The following GRIK3 variants were observed in gnomAD, a reference collection of about 807,000 sequenced individuals.
GRIK3 encodes glutamate ionotropic receptor kainate type subunit 3, also known as glutamate receptor ionotropic, kainate 3.
Under a neutral mutation model 102.5 loss-of-function variants are expected in GRIK3, and 29 were observed. The observed-to-expected ratio is 0.28, with a 90% CI of 0.21 to 0.39. The LOEUF (loss-of-function observed/expected upper bound fraction) is 0.39, where lower values mean the gene tolerates loss of function less well. GRIK3 is among the 10% of genes least tolerant of loss of function. GRIK3 has a pLI of 1.00. For missense variants in GRIK3, 908 were observed against 1,252.4 expected, an observed-to-expected ratio of 0.73 and a Z score of 4.15; for synonymous variants, 511 against 504.9, an observed-to-expected ratio of 1.01 and a Z score of -0.16.
At chr1:36,990,246 G>T (rs1039902946) in intron 1 of GRIK3, among the ~76,000 whole-genome samples, 2 of 152,124 alleles carry the variant, frequency 1.3e-5, no homozygotes, top group Admixed American at 6.5e-5. Flanking sequence ...TGACAGTCAC[G>T]ATGCCCCATC....
At chr1:36,899,040 A>G (rs1294829607) in intron 1 of GRIK3, among the ~76,000 whole-genome samples, 1 of 152,210 alleles carries the variant, frequency 6.6e-6, no homozygotes, top group Non-Finnish European at 1.5e-5. Context: ...CTCAAAATGG[A>G]TCAAAGACTT....
chr1:37,000,563 G>A (rs1012237912), intron 1 of GRIK3, among the ~76,000 whole-genome samples: 3 of 152,316 alleles, frequency 2.0e-5, no homozygotes, highest in African/African-American at 7.2e-5. Flanking sequence ...GCACCAGGCT[G>A]AGTACTTTAT....
intron 1 of GRIK3, among the ~76,000 whole-genome samples, chr1:37,018,385 C>G (rs1486222835): frequency 6.6e-6 from 1 of 152,166 alleles, no homozygotes; most frequent in African/African-American, 2.4e-5. Context: ...TCACTGGCCC[C>G]GATTCTACTG....
At chr1:37,033,005 C>T (rs1476048925) in intron 1 of GRIK3, among the ~76,000 whole-genome samples, 1 of 152,172 alleles carries the variant, frequency 6.6e-6, no homozygotes, top group Non-Finnish European at 1.5e-5. Flanking sequence ...GCCGAGTGAA[C>T]CCAGGCGGCC....
At chr1:36,925,171 G>C (rs1641514298) in intron 1 of GRIK3, among the ~76,000 whole-genome samples, 1 of 152,118 alleles carries the variant, frequency 6.6e-6, no homozygotes, top group Non-Finnish European at 1.5e-5. Context: ...AGTACACTTA[G>C]ATACACACTC....
intron 1 of GRIK3, among the ~76,000 whole-genome samples, chr1:36,998,322 C>A (rs1317817510): frequency 1.3e-5 from 2 of 152,198 alleles, no homozygotes; most frequent in East Asian, 1.9e-4. Context: ...CCGTGTCCTA[C>A]TGCTGGACTC....
At chr1:36,805,828 C>T (rs562719053) in intron 14 of GRIK3, among the ~76,000 whole-genome samples, 8 of 147,340 alleles carry the variant, frequency 5.4e-5, no homozygotes, top group East Asian at 2.1e-4. Flanking sequence ...CCCAGCTACT[C>T]GGGAGGCTGA....
intron 9 of GRIK3, among the ~76,000 whole-genome samples, chr1:36,842,595 G>A (rs1179537939): frequency 1.3e-5 from 2 of 152,216 alleles, no homozygotes; most frequent in East Asian, 3.9e-4. Flanking sequence ...TCCCAGGGGA[G>A]TGATTACTGG....
intron 1 of GRIK3, among the ~76,000 whole-genome samples, chr1:36,919,691 A>T (rs1641445300): frequency 6.6e-6 from 1 of 152,208 alleles, no homozygotes; most frequent in Admixed American, 6.5e-5. Flanking sequence ...CATCTCCAGC[A>T]CTGCTGTGCC....
intron 11 of GRIK3, among the ~76,000 whole-genome samples, chr1:36,822,747 G>C (rs1642709683): frequency 6.6e-6 from 1 of 152,144 alleles, no homozygotes; most frequent in African/African-American, 2.4e-5. Context: ...GTGGCCCCCA[G>C]GAAGTAGATG....
In GRIK3 at chr1:36,806,330, G is replaced by C. The variant is rs890261434; in HGVS notation, c.2092-4C>G. Reference sequence around the variant, plus strand: ...CGAAGGTGGAGATCTTGGATTTCTGGGCCGTGAGGGAAGGGGTGATGCACA... The same window carrying C: ...CGAAGGTGGAGATCTTGGATTTCTGCGCCGTGAGGGAAGGGGTGATGCACA... On this transcript the variant is annotated splice_polypyrimidine_tract_variant and splice_region_variant and intron_variant, in intron 13 of 15. Coordinates refer to ENST00000373091, the MANE Select transcript of GRIK3 (RefSeq NM_000831.4). The surrounding 1 kb of genome is among the most constrained non-coding windows in gnomAD (Gnocchi z 4.0). 7 of 1,602,334 alleles carry C rather than the reference G, an allele frequency of 4.4e-6. No homozygotes were observed. In the Admixed American group the frequency reaches 6.7e-5, roughly 15 times the overall value.
chr1:36,890,435 G>A (rs1421539727), intron 2 of GRIK3, among the ~76,000 whole-genome samples: 1 of 151,754 alleles, frequency 6.6e-6, no homozygotes, highest in African/African-American at 2.4e-5. Flanking sequence ...CTGTACTCCA[G>A]CCTGGGCAAC....
At chr1:37,009,209 A>T (rs925322999) in intron 1 of GRIK3, among the ~76,000 whole-genome samples, 3 of 152,264 alleles carry the variant, frequency 2.0e-5, no homozygotes, top group Non-Finnish European at 4.4e-5. Flanking sequence ...ATTTGGCTTG[A>T]TTAAGGAAGA....
intron 13 of GRIK3, among the ~76,000 whole-genome samples, chr1:36,808,809 A>G (rs564991414): frequency 1.3e-5 from 2 of 152,300 alleles, no homozygotes; most frequent in South Asian, 4.2e-4. Context: ...GATAACTTAT[A>G]CACCCTCTCA....
At chr1:36,973,767 T>C (rs974006011) in intron 1 of GRIK3, among the ~76,000 whole-genome samples, 3 of 152,004 alleles carry the variant, frequency 2.0e-5, no homozygotes, top group Admixed American at 6.6e-5. Flanking sequence ...TCTCAAAGCA[T>C]GAAATGAGGC....
chr1:36,930,682 C>T (rs528742477), intron 1 of GRIK3, among the ~76,000 whole-genome samples: 2 of 152,274 alleles, frequency 1.3e-5, no homozygotes, highest in East Asian at 1.9e-4. Context: ...TAGGTGGACA[C>T]CAGGCCAGGG....
chr1:36,836,209 C>G (rs1203211839), intron 10 of GRIK3, among the ~76,000 whole-genome samples: 2 of 152,212 alleles, frequency 1.3e-5, no homozygotes, highest in Non-Finnish European at 2.9e-5. Flanking sequence ...TGCATGCGGG[C>G]CAGAACTCAG....
At chr1:36,852,444 C>T (rs745355625) in intron 8 of GRIK3, among the ~76,000 whole-genome samples, 2 of 152,142 alleles carry the variant, frequency 1.3e-5, no homozygotes, top group Non-Finnish European at 2.9e-5. Flanking sequence ...GGGTATGTTT[C>T]AGGGAAATGT....
chr1:36,941,089 A>C (rs1449078537), intron 1 of GRIK3, among the ~76,000 whole-genome samples: 2 of 152,196 alleles, frequency 1.3e-5, no homozygotes, highest in Non-Finnish European at 2.9e-5. Context: ...CCTGGGCTAG[A>C]AGCCCTTCTC....
Sources: allele counts gnomAD v4.1 joint callset (sites outside exome capture counted in the v4.1 genomes callset), GRCh38; gene constraint gnomAD v4.1.1; non-coding constraint Gnocchi (gnomAD v3.1); transcripts MANE v1.5; gene names NCBI Gene and HGNC (gene_info 2026-07-23, HGNC 2026-07-21).